The following TGFBR3 variants were observed in gnomAD, a reference collection of about 807,000 sequenced individuals.
The protein encoded by TGFBR3 is transforming growth factor beta receptor type 3.
TGFBR3 carries 46 observed loss-of-function variants against 87.9 expected under a neutral mutation model. That is an observed-to-expected ratio of 0.52 (90% CI 0.41 to 0.67). The LOEUF is 0.67. Among genes scored for constraint, TGFBR3 ranks in the 30% least tolerant of loss-of-function variants. The pLI, the probability that TGFBR3 is intolerant of heterozygous loss-of-function variation, is 0.00. For missense variants in TGFBR3, 866 were observed against 1,041.9 expected (o/e 0.83, Z 2.32); for synonymous variants, 381 against 391.6 (o/e 0.97, Z 0.32).
chr1:91,810,774 A>C (rs1382145815), intron 2 of TGFBR3, among the ~76,000 whole-genome samples: 3 of 152,214 alleles, frequency 2.0e-5, no homozygotes, highest in African/African-American at 7.2e-5. Flanking sequence ...CAATGGGGAT[A>C]ATAACAGGAT....
chr1:91,835,504 A>G (rs1175967498), intron 2 of TGFBR3, among the ~76,000 whole-genome samples: 2 of 152,138 alleles, frequency 1.3e-5, no homozygotes, highest in African/African-American at 2.4e-5. Flanking sequence ...TATCAGGCTG[A>G]GTTTGACCAG....
At chr1:91,717,525 C>T (rs1672216376) in intron 10 of TGFBR3, among the ~76,000 whole-genome samples, 1 of 152,084 alleles carries the variant, frequency 6.6e-6, no homozygotes, top group Non-Finnish European at 1.5e-5. Context: ...ACCCAAGGGT[C>T]ATGACGCCAT....
chr1:91,805,867 C>A (rs1341964449), intron 2 of TGFBR3, among the ~76,000 whole-genome samples: 2 of 152,190 alleles, frequency 1.3e-5, no homozygotes, highest in East Asian at 3.8e-4. Context: ...GGCTAAGAAA[C>A]ACATCAGCAG....
At chr1:91,893,924 T>TA (rs34607132) in intron 2 of TGFBR3, among the ~76,000 whole-genome samples, 69,631 of 142,884 alleles carry the variant, frequency 0.49, 16,412 homozygotes, top group Non-Finnish European at 0.52. Context: ...AAAACTTCCT[T>TA]AAAAAAAAAA....
chr1:91,737,538 C>T (rs1673006940), intron 4 of TGFBR3, among the ~76,000 whole-genome samples: 1 of 152,060 alleles, frequency 6.6e-6, no homozygotes, highest in Admixed American at 6.5e-5. Context: ...CCTCTGCTTG[C>T]ACCCTTCCAG....
chr1:91,731,644 A>C (rs939536020), intron 5 of TGFBR3, among the ~76,000 whole-genome samples: 1 of 152,190 alleles, frequency 6.6e-6, no homozygotes, highest in African/African-American at 2.4e-5. Context: ...ATTAAGAAAG[A>C]GCGTCTATGG....
intron 4 of TGFBR3, among the ~76,000 whole-genome samples, chr1:91,744,537 T>C (rs1673269490): frequency 6.6e-6 from 1 of 152,054 alleles, no homozygotes; most frequent in Non-Finnish European, 1.5e-5. Context: ...ATCATGTCCA[T>C]CCATCTGCTT....
chr1:91,734,825 T>C lies in TGFBR3; in HGVS notation c.519A>G (p.Ser173=), dbSNP rs2306888. The C allele has an allele frequency of 7.9e-3, 12,817 of 1,614,208 alleles. 829 individuals carry two copies. The East Asian group carries it at 0.14, about 18-fold the overall frequency. ...WARKEYGAVT[S]FTELKIARNI... is the part of the protein sequence containing the mutation. ...TTCTTGCTATCTTGAGTTCGGTGAA[T>C]GAAGTAACTGCTCCATACTCTTTTC... is the stretch of plus-strand genomic sequence containing the variant. Residue 173 remains serine, a synonymous_variant, in exon 5 of 17, where the codon TCA becomes TCG. Transcript: ENST00000212355.
intron 1 of TGFBR3, among the ~76,000 whole-genome samples, chr1:91,883,721 G>A (rs1332285103): frequency 6.6e-6 from 1 of 151,878 alleles, no homozygotes; most frequent in Middle Eastern, 3.4e-3. Flanking sequence ...GCCGTGTAAC[G>A]GTCAGATTCC....
chr1:91,804,963 G>A (rs913995369), intron 2 of TGFBR3, among the ~76,000 whole-genome samples: 1 of 152,196 alleles, frequency 6.6e-6, no homozygotes, highest in Non-Finnish European at 1.5e-5. Context: ...GGGCGTGGAC[G>A]ATGACGAAAG....
chr1:91,840,974 C>T (rs942981953), intron 2 of TGFBR3, among the ~76,000 whole-genome samples: 4 of 152,144 alleles, frequency 2.6e-5, no homozygotes, highest in African/African-American at 9.7e-5. Flanking sequence ...CCACACCCAG[C>T]TAATTTTTGT....
rs545929052 is a variant in TGFBR3, at chr1:91,709,558, T to G, written c.2167-775A>C. On this transcript the variant is annotated intron_variant, in intron 13 of 16. Transcript: ENST00000212355. The stretch of plus-strand genomic sequence containing the variant: ...TATAGGCTCATGTAAAACTAAACTT[T>G]CCAGGGTCATCTGCTTTTAATGTTT... Among the ~76,000 whole-genome samples the G allele has an allele frequency of 9.8e-5, 15 of 152,300 alleles. No homozygotes were observed. The South Asian group carries it at 3.1e-3, about 32-fold the overall frequency.
chr1:91,778,182 T>C (rs957185670), intron 3 of TGFBR3, among the ~76,000 whole-genome samples: 2 of 150,522 alleles, frequency 1.3e-5, no homozygotes, highest in African/African-American at 2.4e-5. Context: ...AAAACACACA[T>C]AAGAAGACAT....
intron 4 of TGFBR3, among the ~76,000 whole-genome samples, chr1:91,739,457 CT>C (rs1361695413): frequency 6.6e-6 from 1 of 152,118 alleles, no homozygotes; most frequent in Non-Finnish European, 1.5e-5. Flanking sequence ...TGTAAAAATC[CT>C]TATTTTATTA....
At chr1:91,904,288 A>ATT (rs1285182606) in intron 1 of TGFBR3, among the ~76,000 whole-genome samples, 344 of 126,072 alleles carry the variant, frequency 2.7e-3, no homozygotes, top group African/African-American at 9.1e-3. Context: ...CAGGGCTTGG[A>ATT]TTTTTTTTTT....
At chr1:91,776,347 A>G (rs1403407528) in intron 3 of TGFBR3, among the ~76,000 whole-genome samples, 2 of 152,230 alleles carry the variant, frequency 1.3e-5, no homozygotes, top group Non-Finnish European at 2.9e-5. Flanking sequence ...TTAATAAATA[A>G]TGATTTCATT....
At chr1:91,747,969 G>A (rs1250457729) in intron 4 of TGFBR3, among the ~76,000 whole-genome samples, 1 of 152,174 alleles carries the variant, frequency 6.6e-6, no homozygotes, top group African/African-American at 2.4e-5. Flanking sequence ...ATCCCCGACT[G>A]GTTCTGTTTC....
intron 2 of TGFBR3, among the ~76,000 whole-genome samples, chr1:91,858,372 T>C (rs1237821568): frequency 6.6e-6 from 1 of 152,050 alleles, no homozygotes; most frequent in East Asian, 1.9e-4. Flanking sequence ...CCCAGCACTT[T>C]GGGAGGCCGA....
chr1:91,818,714 C>T (rs1676336885), intron 2 of TGFBR3, among the ~76,000 whole-genome samples: 1 of 152,258 alleles, frequency 6.6e-6, no homozygotes, highest in African/African-American at 2.4e-5. Flanking sequence ...TTAATGTAAA[C>T]ACAGACCACG....
Sources: gnomAD v4.1 joint callset for allele counts (sites outside exome capture counted in the v4.1 genomes callset) on GRCh38, gnomAD v4.1.1 for gene constraint, MANE v1.5 for transcripts, NCBI Gene and HGNC (gene_info 2026-07-23, HGNC 2026-07-21) for gene names.